Variants in NAP1L1 observed in about 807,000 individuals in gnomAD.
NAP1L1 encodes nucleosome assembly protein 1 like 1, also known as nucleosome assembly protein 1-like 1.
A neutral mutation model predicts 58.9 loss-of-function variants in NAP1L1; 9 were observed. That is an observed-to-expected ratio of 0.15 (90% CI 0.09 to 0.27). The LOEUF (loss-of-function observed/expected upper bound fraction) is 0.27. NAP1L1 is among the 10% of genes least tolerant of loss of function. The pLI, the probability that NAP1L1 is intolerant of heterozygous loss-of-function variation, is 1.00. For synonymous variants in NAP1L1, 130 were observed against 138.3 expected (o/e 0.94, Z 0.42); for missense variants, 302 against 458.8 (o/e 0.66, Z 3.12).
Position 76,056,865 on chromosome 12 carries a change from T to TA in NAP1L1, c.430-705dup, listed in dbSNP as rs1949125159. On this transcript the variant is annotated intron_variant, in intron 6 of 14. Coordinates refer to ENST00000618691, the MANE Select transcript of NAP1L1 (RefSeq NM_004537.7). ...CATCTTTACTAAAAGTACAAAAAAT[T>TA]AGTCAGGCATGGTGGCGCACGCCTG... 5 of 305,362 alleles carry TA rather than the reference T, an allele frequency of 1.6e-5. No individual in the cohort carries two copies. In the Admixed American group the frequency reaches 1.7e-4, roughly 10 times the overall value. The allele number at this position is 305,362 out of a possible 1,614,324, so 18.9% of individuals were successfully genotyped here.
At chr12:76,070,998 C>T (rs954177077) in intron 2 of NAP1L1, among the ~76,000 whole-genome samples, 2 of 152,132 alleles carry the variant, frequency 1.3e-5, no homozygotes, top group Non-Finnish European at 2.9e-5. Context: ...AGTAAGAATT[C>T]TCTATTAAAA....
chr12:76,055,384 T>C (rs1949033521), intron 7 of NAP1L1, among the ~76,000 whole-genome samples: 1 of 152,244 alleles, frequency 6.6e-6, no homozygotes, highest in Admixed American at 6.5e-5. Flanking sequence ...AAATGTTTCC[T>C]GATTGTAATT....
chr12:76,050,236 G>T (rs1948756381), intron 12 of NAP1L1, among the ~76,000 whole-genome samples: 1 of 152,002 alleles, frequency 6.6e-6, no homozygotes. Flanking sequence ...GAAAGTCCTA[G>T]CTCTGTGAAG....
At chr12:76,084,400 G>A (rs907952472) in intron 1 of NAP1L1, among the ~76,000 whole-genome samples, 167 bp downstream of exon 1, 4 of 152,084 alleles carry the variant, frequency 2.6e-5, no homozygotes, top group Non-Finnish European at 5.9e-5. Context: ...TCCGGGGTCC[G>A]GACTCCGCGG....
chr12:76,068,743 C>T, intron 3 of NAP1L1, 166 bp downstream of exon 3: 1 of 469,270 alleles, frequency 2.1e-6, no homozygotes. Context: ...CTTACACACA[C>T]ACACACACAC....
rs756016310 is a variant in NAP1L1, at chr12:76,068,995, C to CTA, written c.18-3_18-2dup. 1.9e-6 allele frequency: 3 copies of CTA among 1,605,974 alleles called. No individual in the cohort carries two copies. In the African/African-American group the frequency reaches 4.0e-5, roughly 22 times the overall value. On this transcript the variant is annotated splice_acceptor_variant, in intron 2 of 14. Coordinates refer to ENST00000618691, the MANE Select transcript of NAP1L1 (RefSeq NM_004537.7). LOFTEE classifies it high-confidence loss of function. Reference sequence around the variant, plus strand: ...TTGATCAAGTTCAGACTGTTCTTTGCTATAATATCATAGTATCACACCAAG... The same window carrying CTA: ...TTGATCAAGTTCAGACTGTTCTTTGCTATATAATATCATAGTATCACACCAAG...
At chr12:76,066,935 G>A (rs1949702914) in intron 4 of NAP1L1, among the ~76,000 whole-genome samples, 1 of 151,880 alleles carries the variant, frequency 6.6e-6, no homozygotes, top group African/African-American at 2.4e-5. Context: ...AGAGAACTAG[G>A]CAACATTTAG....
At chr12:76,057,669 T>G in intron 6 of NAP1L1, 1 of 1,461,502 alleles carries the variant, frequency 6.8e-7, no homozygotes, top group Non-Finnish European at 9.4e-7. Flanking sequence ...TAGAGTACTG[T>G]GAATATATGC....
chr12:76,081,819 C>T (rs982139781), intron 1 of NAP1L1, among the ~76,000 whole-genome samples: 2 of 152,166 alleles, frequency 1.3e-5, no homozygotes, highest in African/African-American at 2.4e-5. Flanking sequence ...TGCCCAAAAA[C>T]TTATTTAGAT....
In NAP1L1 at chr12:76,056,035, G is replaced by A; in HGVS notation, c.556C>T (p.Gln186Ter). Residue 186 changes from glutamine to a stop codon, truncating the protein, a stop_gained and splice_region_variant, in exon 7 of 15, where the codon CAG becomes TAG. Transcript: ENST00000618691. LOFTEE classifies it high-confidence loss of function. ...KNVDLLSDMV[Q>*]EHDEPILKHL... ...GGTACATTTATGAATAAAATTACCT[G>A]AACCATATCACTGAGCAAGTCAACA... 6.2e-7 allele frequency: 1 copy of A among 1,610,784 alleles called. No individual in the cohort carries two copies.
rs1184030046 is a variant in NAP1L1, at chr12:76,060,780, G to A, written c.207-501C>T. On this transcript the variant is annotated intron_variant, in intron 4 of 14. Transcript: ENST00000618691. Reference sequence around the variant, plus strand: ...TACAAGTGTAACATACTATAAAGAGGAGACATGTATTTTTAAAATAACAGC... The same window carrying A: ...TACAAGTGTAACATACTATAAAGAGAAGACATGTATTTTTAAAATAACAGC... 2.6e-5 allele frequency among the ~76,000 whole-genome samples: 4 copies of A among 152,158 alleles called. No homozygotes were observed. In the East Asian group the frequency reaches 7.7e-4, roughly 29 times the overall value.
At position 76,040,086 on chromosome 12, in the gene NAP1L1, C is replaced by G. The variant is rs1229962049; in HGVS notation, c.*8343G>C. The stretch of plus-strand genomic sequence containing the variant: ...TGAATTATAGCTGGAAATCAATTGT[C>G]CAGCTATAATTCAAGTAAAAGATTC... On this transcript the variant is annotated 3_prime_UTR_variant, in exon 15 of 15. Coordinates refer to ENST00000618691, the MANE Select transcript of NAP1L1 (RefSeq NM_004537.7). 1 of 152,016 alleles carries G rather than the reference C, an allele frequency of 6.6e-6. No homozygotes were observed. The highest frequency in any genetic ancestry group is 1.5e-5 in the Non-Finnish European group (1 of 68,006). 9.4% of individuals were successfully genotyped at this position (152,016 alleles called of 1,614,324 possible).
At chr12:76,053,395 C>T in intron 9 of NAP1L1, 45 bp from the exon 10 acceptor site, 1 of 1,581,210 alleles carries the variant, frequency 6.3e-7, no homozygotes, top group Middle Eastern at 1.7e-4. Context: ...GACAATCTTT[C>T]AACTGCTAAA....
At chr12:76,054,819 G>T (rs1949004800) in intron 8 of NAP1L1, among the ~76,000 whole-genome samples, 200 bp downstream of exon 8, 1 of 152,154 alleles carries the variant, frequency 6.6e-6, no homozygotes, top group South Asian at 2.1e-4. Flanking sequence ...CAGGAACAAG[G>T]ATTGTCTGTG....
chr12:76,058,329 C>T (rs1438124720), intron 6 of NAP1L1, among the ~76,000 whole-genome samples: 1 of 150,570 alleles, frequency 6.6e-6, no homozygotes, highest in Non-Finnish European at 1.5e-5. Context: ...ACAGGAGAGA[C>T]TGTCATGCTC....
chr12:76,057,868 G>T, intron 6 of NAP1L1: 2 of 1,471,580 alleles, frequency 1.4e-6, no homozygotes, highest in Middle Eastern at 1.7e-4. Flanking sequence ...AAACAAAGAC[G>T]GTACCACAAA....
rs202002589 is a variant in NAP1L1 at position 76,079,684 on chromosome 12, AT to A, written c.-21+4882del. Among the ~76,000 whole-genome samples, 1,190 of 140,558 alleles carry A rather than the reference AT, an allele frequency of 8.5e-3. 5 individuals carry two copies. Among genetic ancestry groups the A allele is most frequent in the Admixed American group, 0.011 (160 of 13,998 alleles). 92.2% of individuals were successfully genotyped at this position (140,558 alleles called of 152,430 possible). A position where few individuals can be genotyped will look rare whatever the true frequency, so the allele number is the denominator to read the frequency against. On this transcript the variant is annotated intron_variant, in intron 1 of 14. Coordinates refer to ENST00000618691, the MANE Select transcript of NAP1L1 (RefSeq NM_004537.7). ...TGACCCTAAAAACATGCTTGAAGGC[AT>A]TTTTTTTTTTTTTTTGGAGACAAGG... is the stretch of plus-strand genomic sequence containing the variant.
chr12:76,080,268 C>T (rs1048181713), intron 1 of NAP1L1, among the ~76,000 whole-genome samples: 6 of 152,158 alleles, frequency 3.9e-5, no homozygotes, highest in African/African-American at 1.4e-4. Context: ...AAACCTACTG[C>T]AGAGTCATAT....
Position 76,043,513 on chromosome 12 carries a change from G to A in NAP1L1, c.*4916C>T, listed in dbSNP as rs1332277387. ...AAAAAAAAAAATTTCTACATGGAAT[G>A]GTCATCCTCATCCTCACTTGAAATA... is the stretch of plus-strand genomic sequence containing the variant. On this transcript the variant is annotated 3_prime_UTR_variant, in exon 15 of 15. Coordinates refer to ENST00000618691, the MANE Select transcript of NAP1L1 (RefSeq NM_004537.7). 2.0e-5 allele frequency: 3 copies of A among 150,338 alleles called. No individual in the cohort carries two copies. Among genetic ancestry groups the A allele is most frequent in the African/African-American group, 7.3e-5 (3 of 40,848 alleles). The allele number at this position is 150,338 out of a possible 1,614,324, so 9.3% of individuals were successfully genotyped here.
Sources: allele counts gnomAD v4.1 joint callset (sites outside exome capture counted in the v4.1 genomes callset), GRCh38; gene constraint gnomAD v4.1.1; transcripts MANE v1.5; gene names NCBI Gene and HGNC (gene_info 2026-07-23, HGNC 2026-07-21).